TPGS2: variants seen among roughly 807,000 people sequenced by gnomAD.
TPGS2 encodes the protein tubulin polyglutamylase complex subunit 2.
A neutral mutation model predicts 31.1 loss-of-function variants in TPGS2; 26 were observed. The observed-to-expected ratio is 0.84, with a 90% CI of 0.61 to 1.16. The LOEUF is 1.16. TPGS2 is among the 50% of genes most tolerant of loss of function. The pLI is 0.00. For missense variants in TPGS2, 351 were observed against 363.8 expected, an observed-to-expected ratio of 0.96 and a Z score of 0.29; for synonymous variants, 130 against 136.6, an observed-to-expected ratio of 0.95 and a Z score of 0.34.
At chr18:36,787,168 A>G in intron 6 of TPGS2, 1 of 1,224,648 alleles carries the variant, frequency 8.2e-7, no homozygotes, top group Non-Finnish European at 1.0e-6. Flanking sequence ...CAGGTAGCAC[A>G]TTAAATGAGC....
At chr18:36,805,678 T>C (rs2045089953) in intron 3 of TPGS2, among the ~76,000 whole-genome samples, 176 bp from the exon 4 acceptor site, 1 of 152,150 alleles carries the variant, frequency 6.6e-6, no homozygotes, top group Non-Finnish European at 1.5e-5. Context: ...GTACCAACCT[T>C]TCATACAAAA....
chr18:36,796,797 A>AGGGGTGCTCACTTCCGGGT lies in TPGS2; in HGVS notation c.892_*7dup, dbSNP rs1393799398. 1 of 1,590,966 alleles carries AGGGGTGCTCACTTCCGGGT rather than the reference A, an allele frequency of 6.3e-7. No individual in the cohort carries two copies. The highest frequency in any genetic ancestry group is 1.2e-5 in the South Asian group (1 of 86,082). On this transcript the variant is annotated 3_prime_UTR_variant, in exon 7 of 7. Coordinates refer to ENST00000334295, the MANE Select transcript of TPGS2 (RefSeq NM_015476.4). ...CTGGAGCTGGTAGGGAGTTGGAGGG[A>AGGGGTGCTCACTTCCGGGT]GGGGTGCTCACTTCCGGGTGGGGTT...
rs745329165 is a variant in TPGS2 at position 36,798,485 on chromosome 18, ATATT to A, written c.617_620del (p.Gln206LeufsTer37). 2 of 1,614,190 alleles carry A rather than the reference ATATT, an allele frequency of 1.2e-6. No homozygotes were observed. The highest frequency in any genetic ancestry group is 2.2e-5 in the South Asian group (2 of 91,082). ...GGCTAATGCCATAGCTGGTGAAGGCATATTGCCACTGGGGCAGGCCCAGGTGGGT... is the reference window on the plus strand; with the variant it reads ...GGCTAATGCCATAGCTGGTGAAGGCAGCCACTGGGGCAGGCCCAGGTGGGT... On this transcript the variant is annotated frameshift_variant, in exon 6 of 7. Coordinates refer to ENST00000334295, the MANE Select transcript of TPGS2 (RefSeq NM_015476.4). LOFTEE classifies it high-confidence loss of function.
chr18:36,786,540 G>A, intron 6 of TPGS2: 1 of 224,958 alleles, frequency 4.4e-6, no homozygotes, highest in East Asian at 8.8e-5. Flanking sequence ...TTTAAGTGTA[G>A]GGAGGGGTGC....
At chr18:36,820,810 A>G (rs1464220241) in intron 1 of TPGS2, among the ~76,000 whole-genome samples, 1 of 152,254 alleles carries the variant, frequency 6.6e-6, no homozygotes, top group Non-Finnish European at 1.5e-5. Context: ...AATAGAAATT[A>G]TACATTGTTC....
chr18:36,828,657 C>G, intron 1 of TPGS2, 26 bp downstream of exon 1: 1 of 1,613,586 alleles, frequency 6.2e-7, no homozygotes, highest in South Asian at 1.1e-5. Context: ...TCCACACCCT[C>G]TCGGCACCGT....
intron 1 of TPGS2, among the ~76,000 whole-genome samples, chr18:36,825,365 G>A (rs1372419445): frequency 6.7e-6 from 1 of 150,056 alleles, no homozygotes; most frequent in Admixed American, 6.7e-5. Context: ...CCGGGAGGCG[G>A]AGCTTGCAGC....
At chr18:36,826,063 G>A (rs915619831) in intron 1 of TPGS2, among the ~76,000 whole-genome samples, 1 of 151,942 alleles carries the variant, frequency 6.6e-6, no homozygotes, top group African/African-American at 2.4e-5. Context: ...TTGAGATAGG[G>A]TCTCACTCTT....
chr18:36,815,323 G>C (rs541376954), intron 2 of TPGS2, among the ~76,000 whole-genome samples: 1 of 152,266 alleles, frequency 6.6e-6, no homozygotes, highest in African/African-American at 2.4e-5. Context: ...CACTGCTTAG[G>C]AGACAAAAGT....
chr18:36,796,154 C>T lies in TPGS2; in HGVS notation c.*651G>A, dbSNP rs60262053. On this transcript the variant is annotated 3_prime_UTR_variant, in exon 7 of 7. Transcript: ENST00000334295. ...TGTGGTAAGGGATACAAAGAACATA[C>T]AATTGTGTACTTGAGAGGTTTCATG... 4 of 985,348 alleles carry T rather than the reference C, an allele frequency of 4.1e-6. No individual in the cohort carries two copies. Among genetic ancestry groups the T allele is most frequent in the Non-Finnish European group, 4.8e-6 (4 of 829,924 alleles). 61.0% of individuals were successfully genotyped at this position (985,348 alleles called of 1,614,324 possible).
chr18:36,782,753 C>T (rs966184853), downstream of TPGS2, among the ~76,000 whole-genome samples: 6 of 152,228 alleles, frequency 3.9e-5, no homozygotes, highest in African/African-American at 1.4e-4. Context: ...TGTGCCCAGA[C>T]ATCTCTGCCG....
chr18:36,823,462 T>TTTTTTTTTTTTTTG (rs2045986760), intron 1 of TPGS2, among the ~76,000 whole-genome samples: 1 of 133,760 alleles, frequency 7.5e-6, no homozygotes, highest in Non-Finnish European at 1.6e-5. Context: ...AACAGCTTGT[T>TTTTTTTTTTTTTTG]TTTTTTTTTT....
At chr18:36,815,516 T>C (rs2045612956) in intron 2 of TPGS2, among the ~76,000 whole-genome samples, 1 of 152,144 alleles carries the variant, frequency 6.6e-6, no homozygotes, top group East Asian at 1.9e-4. Context: ...TTCCCATTCA[T>C]GGACTTGTAA....
At chr18:36,819,087 T>G (rs746385322) in intron 1 of TPGS2, 114 bp from the exon 2 acceptor site, 1 of 823,782 alleles carries the variant, frequency 1.2e-6, no homozygotes, top group South Asian at 1.7e-5. Context: ...ATCCTTCTCA[T>G]GAACACTTAT....
intron 1 of TPGS2, among the ~76,000 whole-genome samples, chr18:36,826,404 CTG>C (rs34742069): frequency 0.36 from 52,166 of 145,974 alleles, 9,277 homozygotes; most frequent in East Asian, 0.61. Flanking sequence ...GGTGTATAGG[CTG>C]TGTGTGTGTG....
chr18:36,814,704 A>G (rs529063801), intron 2 of TPGS2, among the ~76,000 whole-genome samples: 1 of 152,314 alleles, frequency 6.6e-6, no homozygotes, highest in East Asian at 1.9e-4. Context: ...CTAGTATAAC[A>G]TATCTCAGTG....
chr18:36,795,569 A>AAAT lies in TPGS2; in HGVS notation c.*1233_*1235dup, dbSNP rs2044489764. 1.0e-6 allele frequency: 1 copy of AAAT among 985,426 alleles called. No homozygotes were observed. The highest frequency in any genetic ancestry group is 1.2e-6 in the Non-Finnish European group (1 of 829,944). 61.0% of individuals were successfully genotyped at this position (985,426 alleles called of 1,614,324 possible). On this transcript the variant is annotated 3_prime_UTR_variant, in exon 7 of 7. Transcript: ENST00000334295. Reference sequence around the variant, plus strand: ...AGCCAGGACTGTAGAGGGAGGAAATAAATAGGCATTCCTAATTGAAAATCT... The same window carrying AAAT: ...AGCCAGGACTGTAGAGGGAGGAAATAAATAATAGGCATTCCTAATTGAAAATCT...
chr18:36,810,830 G>A (rs72883590), intron 2 of TPGS2, among the ~76,000 whole-genome samples: 18,423 of 152,078 alleles, frequency 0.12, 1,382 homozygotes, highest in Admixed American at 0.17. Context: ...TTTGTTTTGG[G>A]AGCTATCAAC....
downstream of TPGS2, among the ~76,000 whole-genome samples, chr18:36,781,328 C>G (rs2044008102): frequency 6.6e-6 from 1 of 152,138 alleles, no homozygotes; most frequent in African/African-American, 2.4e-5. Flanking sequence ...GAAAAATCAT[C>G]AGGTCACTAA....
Sources: gnomAD v4.1 joint callset for allele counts (sites outside exome capture counted in the v4.1 genomes callset) on GRCh38, gnomAD v4.1.1 for gene constraint, MANE v1.5 for transcripts, NCBI Gene and HGNC (gene_info 2026-07-23, HGNC 2026-07-21) for gene names.